The following KCNH8 variants were observed in gnomAD, a reference collection of about 807,000 sequenced individuals.
KCNH8 encodes voltage-gated delayed rectifier potassium channel KCNH8.
KCNH8 carries 70 observed loss-of-function variants against 103.6 expected under a neutral mutation model. That is an observed-to-expected ratio of 0.68 (90% CI 0.56 to 0.82). KCNH8 has a LOEUF of 0.82. Ranked by LOEUF, KCNH8 falls within the 40% of genes least tolerant of loss-of-function variation. The pLI is 0.00. For missense variants in KCNH8, 1,217 were observed against 1,329.9 expected (o/e 0.92, Z 1.32); for synonymous variants, 498 against 489.4 (o/e 1.02, Z -0.23).
intron 5 of KCNH8, among the ~76,000 whole-genome samples, chr3:19,376,853 T>G (rs2066215303): frequency 1.3e-5 from 2 of 152,184 alleles, no homozygotes; most frequent in Admixed American, 1.3e-4. Flanking sequence ...CATTCCCCTT[T>G]TTGGGAGACC....
chr3:19,179,271 T>C (rs565965953), intron 1 of KCNH8, among the ~76,000 whole-genome samples: 69 of 152,206 alleles, frequency 4.5e-4, no homozygotes, highest in Admixed American at 9.2e-4. Context: ...ATATGAATTA[T>C]CCATTTTGAG....
intron 11 of KCNH8, among the ~76,000 whole-genome samples, chr3:19,472,547 C>A (rs190512798): frequency 6.6e-6 from 1 of 152,094 alleles, no homozygotes; most frequent in Admixed American, 6.6e-5. Context: ...GTGACTTGCT[C>A]CTCCTTGCCT....
At chr3:19,525,397 A>G (rs776507494) in intron 15 of KCNH8, among the ~76,000 whole-genome samples, 12 of 151,782 alleles carry the variant, frequency 7.9e-5, no homozygotes, top group Non-Finnish European at 1.5e-4. Context: ...TATACACATT[A>G]AAGTTTGACA....
At chr3:19,183,132 G>C (rs2125203938) in intron 1 of KCNH8, among the ~76,000 whole-genome samples, 1 of 152,190 alleles carries the variant, frequency 6.6e-6, no homozygotes, top group South Asian at 2.1e-4. Context: ...GACCAGTGAA[G>C]AATTGTGCTA....
chr3:19,266,418 C>T (rs1274414129), intron 2 of KCNH8, among the ~76,000 whole-genome samples: 1 of 152,124 alleles, frequency 6.6e-6, no homozygotes, highest in Non-Finnish European at 1.5e-5. Flanking sequence ...ATTCCATCCT[C>T]ATATTAAGCT....
chr3:19,176,422 C>T (rs1559409544), intron 1 of KCNH8, among the ~76,000 whole-genome samples: 1 of 151,826 alleles, frequency 6.6e-6, no homozygotes, highest in Non-Finnish European at 1.5e-5. Context: ...AGAACATTAC[C>T]GAGACAGAAA....
At chr3:19,350,271 C>T (rs1028168524) in intron 5 of KCNH8, among the ~76,000 whole-genome samples, 2 of 151,974 alleles carry the variant, frequency 1.3e-5, no homozygotes, top group Non-Finnish European at 2.9e-5. Context: ...TGTAATATTG[C>T]CTGTAATATT....
At chr3:19,441,699 T>C (rs2067286930) in intron 8 of KCNH8, among the ~76,000 whole-genome samples, 1 of 152,190 alleles carries the variant, frequency 6.6e-6, no homozygotes. Context: ...TCTGTTAATA[T>C]TTTCTGCCCC....
At chr3:19,313,999 G>A (rs2065240723) in intron 3 of KCNH8, among the ~76,000 whole-genome samples, 1 of 151,812 alleles carries the variant, frequency 6.6e-6, no homozygotes, top group Admixed American at 6.6e-5. Flanking sequence ...GAATGTACTT[G>A]CAAACGTTCT....
intron 3 of KCNH8, among the ~76,000 whole-genome samples, chr3:19,314,271 A>G (rs1429997344): frequency 6.6e-6 from 1 of 152,088 alleles, no homozygotes; most frequent in African/African-American, 2.4e-5. Context: ...TATAAAGTCT[A>G]TTGATACTAC....
At chr3:19,359,380 T>TAGAG (rs10662449) in intron 5 of KCNH8, among the ~76,000 whole-genome samples, 50,540 of 151,492 alleles carry the variant, frequency 0.33, 8,911 homozygotes, top group East Asian at 0.5. Flanking sequence ...TGTATATACA[T>TAGAG]AGAGAAAGAG....
intron 11 of KCNH8, among the ~76,000 whole-genome samples, chr3:19,495,246 C>G (rs1202482995): frequency 3.3e-5 from 5 of 152,028 alleles, no homozygotes; most frequent in Non-Finnish European, 7.4e-5. Flanking sequence ...TTGCTTTTGG[C>G]ATCTTTTTCG....
intron 11 of KCNH8, among the ~76,000 whole-genome samples, chr3:19,461,623 A>G (rs1340748642): frequency 6.6e-6 from 1 of 152,182 alleles, no homozygotes; most frequent in Non-Finnish European, 1.5e-5. Context: ...ACTTATCTAT[A>G]CATCCTTATT....
chr3:19,178,068 C>T (rs773253871), intron 1 of KCNH8, among the ~76,000 whole-genome samples: 2 of 151,772 alleles, frequency 1.3e-5, no homozygotes, highest in Non-Finnish European at 2.9e-5. Context: ...TAATTTATGC[C>T]TTCTAGCGAC....
At chr3:19,513,543 G>T (rs1051954357) in intron 13 of KCNH8, among the ~76,000 whole-genome samples, 6 of 152,060 alleles carry the variant, frequency 3.9e-5, no homozygotes, top group African/African-American at 1.4e-4. Flanking sequence ...TAAATGTTCA[G>T]AAATCCTTCT....
chr3:19,173,585 A>C (rs990388658), intron 1 of KCNH8, among the ~76,000 whole-genome samples: 1 of 152,116 alleles, frequency 6.6e-6, no homozygotes, highest in African/African-American at 2.4e-5. Context: ...TCATAGAGTA[A>C]GCGATTTAGA....
chr3:19,204,470 TTAAAAA>T (rs1351848271), intron 1 of KCNH8, among the ~76,000 whole-genome samples: 1 of 151,950 alleles, frequency 6.6e-6, no homozygotes, highest in Non-Finnish European at 1.5e-5. Flanking sequence ...TGAACGCGAT[TTAAAAA>T]TAAACAGACC....
intron 10 of KCNH8, 50 bp downstream of exon 10, chr3:19,451,454 T>C (rs1272961539): frequency 9.5e-6 from 15 of 1,573,812 alleles, no homozygotes; most frequent in Non-Finnish European, 1.2e-5. Context: ...GGAGCATAAA[T>C]TAAGAAGATG....
chr3:19,497,278 T>C (rs1277311215), intron 11 of KCNH8, among the ~76,000 whole-genome samples: 1 of 152,230 alleles, frequency 6.6e-6, no homozygotes. Flanking sequence ...ATTTCTTATC[T>C]CCTGCTATCT....
Sources: allele counts gnomAD v4.1 joint callset (sites outside exome capture counted in the v4.1 genomes callset), GRCh38; gene constraint gnomAD v4.1.1; transcripts MANE v1.5; gene names NCBI Gene and HGNC (gene_info 2026-07-23, HGNC 2026-07-21).